The following HSPE1 variants were observed in gnomAD, a reference collection of about 807,000 sequenced individuals.
HSPE1 encodes 10 kDa heat shock protein, mitochondrial.
Under a neutral mutation model 13.2 loss-of-function variants are expected in HSPE1, and 1 was observed. That is an observed-to-expected ratio of 0.08 (90% CI 0.03 to 0.36). HSPE1 has a LOEUF of 0.36. HSPE1 is among the 10% of genes least tolerant of loss of function. The probability of loss-of-function intolerance (pLI) is 0.99; values close to 1 mark genes in which losing one functional copy is unlikely to be tolerated. For missense variants in HSPE1, 73 were observed against 118.7 expected (o/e 0.62, Z 1.79); for synonymous variants, 44 against 42.0 (o/e 1.05, Z -0.19).
At position 197,503,439 on chromosome 2, in the gene HSPE1, T is replaced by C. The variant is rs182915235; in HGVS notation, c.*180T>C. 1.0e-3 allele frequency: 445 copies of C among 446,354 alleles called. 1 individual carries two copies. The highest frequency in any genetic ancestry group is 7.7e-3 in the African/African-American group (388 of 50,546). 27.6% of individuals were successfully genotyped at this position (446,354 alleles called of 1,614,324 possible). On this transcript the variant is annotated 3_prime_UTR_variant, in exon 4 of 4. Coordinates refer to ENST00000233893, the MANE Select transcript of HSPE1 (RefSeq NM_002157.3). ...TGATATAAACACTTCCAAATAAAAA[T>C]ATGTAAATGAGTGGTTAATCTTTAG... is the stretch of plus-strand genomic sequence containing the variant.
At chr2:197,500,924 T>C (rs1324388516) in intron 1 of HSPE1, 150 bp from the exon 2 acceptor site, 1 of 885,782 alleles carries the variant, frequency 1.1e-6, no homozygotes, top group Non-Finnish European at 1.7e-6. Context: ...TATTGGTTAG[T>C]ACATTCAAAT....
At chr2:197,502,819 G>A (rs544589091) in intron 2 of HSPE1, among the ~76,000 whole-genome samples, 2 of 152,276 alleles carry the variant, frequency 1.3e-5, no homozygotes, top group Admixed American at 1.3e-4. Context: ...TCAGGTTTTA[G>A]TTTAAGCCAC....
At chr2:197,502,199 C>T (rs189032901) in intron 2 of HSPE1, among the ~76,000 whole-genome samples, 6 of 152,266 alleles carry the variant, frequency 3.9e-5, no homozygotes, top group Admixed American at 3.9e-4. Context: ...CTGAATGCCG[C>T]CTAACGCAAA....
At chr2:197,500,756 T>C (rs750996284) in intron 1 of HSPE1, 18 of 578,916 alleles carry the variant, frequency 3.1e-5, no homozygotes, top group Admixed American at 6.1e-5. Flanking sequence ...GCAGGGAGCT[T>C]GACCCAGCGT....
At chr2:197,500,564 G>A in intron 1 of HSPE1, 125 bp downstream of exon 1, 1 of 1,429,532 alleles carries the variant, frequency 7.0e-7, no homozygotes, top group East Asian at 2.5e-5. Context: ...ACCAGCGCCC[G>A]ATGGCACCTT....
Sources: allele counts gnomAD v4.1 joint callset (sites outside exome capture counted in the v4.1 genomes callset), GRCh38; gene constraint gnomAD v4.1.1; transcripts MANE v1.5; gene names NCBI Gene and HGNC (gene_info 2026-07-23, HGNC 2026-07-21).